The following CORIN variants were observed in gnomAD, a reference collection of about 807,000 sequenced individuals.
CORIN encodes the protein atrial natriuretic peptide-converting enzyme.
CORIN carries 117 observed loss-of-function variants against 125.3 expected under a neutral mutation model. The ratio of observed to expected loss-of-function variants is 0.93; its 90% CI spans 0.80 to 1.09. The LOEUF (loss-of-function observed/expected upper bound fraction) is 1.09, where lower values mean the gene tolerates loss of function less well. Among genes scored for constraint, CORIN ranks in the 50% least tolerant of loss-of-function variants. The probability of loss-of-function intolerance (pLI) is 0.00; values close to 1 mark genes in which losing one functional copy is unlikely to be tolerated. For missense variants in CORIN, 1,253 were observed against 1,306.7 expected, an observed-to-expected ratio of 0.96 and a Z score of 0.63; for synonymous variants, 450 against 466.4, an observed-to-expected ratio of 0.96 and a Z score of 0.45.
At chr4:47,673,188 AAATAAATAAAT>A (rs1179195405) in intron 10 of CORIN, among the ~76,000 whole-genome samples, 2 of 32,214 alleles carry the variant, frequency 6.2e-5, no homozygotes, top group Non-Finnish European at 1.1e-4. Flanking sequence ...AAAAATAAAT[AAATAAATAAAT>A]AAATAAATAA....
At chr4:47,783,690 ACAG>A (rs1730650412) in intron 3 of CORIN, among the ~76,000 whole-genome samples, 1 of 152,146 alleles carries the variant, frequency 6.6e-6, no homozygotes, top group Admixed American at 6.5e-5. Context: ...CAGTGTTAAT[ACAG>A]ATCTAAGACA....
At chr4:47,802,242 G>A (rs1400622192) in intron 2 of CORIN, among the ~76,000 whole-genome samples, 1 of 152,170 alleles carries the variant, frequency 6.6e-6, no homozygotes, top group Non-Finnish European at 1.5e-5. Context: ...AAAAAGTAAA[G>A]GGGACTCTCT....
chr4:47,837,735 G>C (rs554707010), intron 1 of CORIN, 152 bp downstream of exon 1: 13 of 794,716 alleles, frequency 1.6e-5, no homozygotes, highest in Non-Finnish European at 2.9e-5. Context: ...GCTGAGCGCG[G>C]AACTGTCAGA....
At chr4:47,750,977 A>C (rs1357145843) in intron 4 of CORIN, among the ~76,000 whole-genome samples, 3 of 152,254 alleles carry the variant, frequency 2.0e-5, no homozygotes, top group Non-Finnish European at 4.4e-5. Context: ...GCAGACGGTT[A>C]AACTATGATT....
At chr4:47,620,348 T>C (rs968000634) in intron 19 of CORIN, among the ~76,000 whole-genome samples, 6 of 152,212 alleles carry the variant, frequency 3.9e-5, no homozygotes, top group African/African-American at 4.8e-5. Flanking sequence ...TTAAAACTTA[T>C]AATAAATCTA....
At position 47,643,247 on chromosome 4, in the gene CORIN, T is replaced by C. The variant is rs13306287; in HGVS notation, c.1967A>G (p.Gln656Arg). The change falls in exon 15 of 22, where the codon CAA becomes CGA. Residue 656 changes from glutamine to arginine, a missense_variant. Physicochemically the swap from Gln to Arg is conservative, Grantham distance 43. Coordinates refer to ENST00000273857, the MANE Select transcript of CORIN (RefSeq NM_006587.4). The stretch of plus-strand genomic sequence containing the variant: ...GTTTGCACATTCCAGCTCATCATCT[T>C]GGCAAAATGCTGGCATGGGGAACAA... Reference protein sequence around the residue: ...YMDEKNCSFCQDDELECANHA... With the variant: ...YMDEKNCSFCRDDELECANHA... 4.4e-6 allele frequency: 7 copies of C among 1,595,434 alleles called. No individual in the cohort carries two copies. In the East Asian group the frequency reaches 1.3e-4, roughly 31 times the overall value.
chr4:47,780,264 G>A (rs993393558), intron 3 of CORIN, among the ~76,000 whole-genome samples: 1 of 151,972 alleles, frequency 6.6e-6, no homozygotes, highest in Non-Finnish European at 1.5e-5. Flanking sequence ...AAGATTGTAA[G>A]AGGATGGAGA....
chr4:47,722,284 C>T (rs1464067600), intron 5 of CORIN, among the ~76,000 whole-genome samples: 1 of 152,204 alleles, frequency 6.6e-6, no homozygotes, highest in Admixed American at 6.5e-5. Context: ...GGGTATATTA[C>T]AGGCAGAGAT....
intron 5 of CORIN, among the ~76,000 whole-genome samples, chr4:47,737,469 A>G (rs947195844): frequency 2.0e-5 from 3 of 152,200 alleles, no homozygotes; most frequent in African/African-American, 7.2e-5. Flanking sequence ...AGGAAGGACC[A>G]CATCCAATGA....
At chr4:47,837,857 T>A in intron 1 of CORIN, 30 bp downstream of exon 1, 1 of 1,597,866 alleles carries the variant, frequency 6.3e-7, no homozygotes, top group Non-Finnish European at 8.6e-7. Context: ...CACACCTGGC[T>A]GCGGTAGGAC....
chr4:47,744,606 G>A (rs767495577), intron 4 of CORIN, 23 bp from the exon 5 acceptor site: 2 of 1,541,326 alleles, frequency 1.3e-6, no homozygotes, highest in African/African-American at 1.4e-5. Flanking sequence ...AAAGAGAAAG[G>A]TGAAAATTAG....
At chr4:47,659,709 C>T (rs1252860011) in intron 12 of CORIN, among the ~76,000 whole-genome samples, 2 of 152,190 alleles carry the variant, frequency 1.3e-5, no homozygotes, top group African/African-American at 4.8e-5. Flanking sequence ...TCCCATCAGG[C>T]CCCAACTCCA....
chr4:47,632,777 T>A (rs35503507), intron 16 of CORIN, among the ~76,000 whole-genome samples: 38,008 of 118,236 alleles, frequency 0.32, 5,252 homozygotes, highest in Admixed American at 0.42. Context: ...AGATAGATAG[T>A]TAGATAGATT....
At chr4:47,712,550 T>A (rs376167225) in intron 5 of CORIN, among the ~76,000 whole-genome samples, 4 of 152,328 alleles carry the variant, frequency 2.6e-5, no homozygotes, top group African/African-American at 9.6e-5. Flanking sequence ...CCCAAAGTGC[T>A]ATGATTTCAG....
chr4:47,769,409 T>C (rs1729917357), intron 3 of CORIN, among the ~76,000 whole-genome samples: 1 of 152,088 alleles, frequency 6.6e-6, no homozygotes, highest in Non-Finnish European at 1.5e-5. Context: ...TATCCTGTAT[T>C]CATGGTTTGG....
chr4:47,772,844 A>G (rs567668049), intron 3 of CORIN, among the ~76,000 whole-genome samples: 1 of 152,316 alleles, frequency 6.6e-6, no homozygotes, highest in East Asian at 1.9e-4. Flanking sequence ...ATTTGTATCC[A>G]TGTTACATAG....
At chr4:47,793,991 A>C (rs1731185203) in intron 2 of CORIN, among the ~76,000 whole-genome samples, 1 of 152,138 alleles carries the variant, frequency 6.6e-6, no homozygotes, top group Non-Finnish European at 1.5e-5. Flanking sequence ...CATAACATAT[A>C]ACCTCGGGCC....
At chr4:47,791,680 CTT>C (rs1731089955) in intron 2 of CORIN, among the ~76,000 whole-genome samples, 1 of 152,170 alleles carries the variant, frequency 6.6e-6, no homozygotes, top group African/African-American at 2.4e-5. Context: ...TATACACACA[CTT>C]TTCATTCTGG....
intron 3 of CORIN, among the ~76,000 whole-genome samples, chr4:47,784,770 G>A (rs1027077762): frequency 1.3e-5 from 2 of 152,156 alleles, no homozygotes; most frequent in East Asian, 1.9e-4. Context: ...TTAAACCCAT[G>A]AGGAAAATAA....
Sources: allele counts gnomAD v4.1 joint callset (sites outside exome capture counted in the v4.1 genomes callset), GRCh38; gene constraint gnomAD v4.1.1; transcripts MANE v1.5; gene names NCBI Gene and HGNC (gene_info 2026-07-23, HGNC 2026-07-21).